NIPAL3: variants seen among roughly 807,000 people sequenced by gnomAD.
NIPAL3 encodes the protein NIPA like domain containing 3.
In NIPAL3, 41 loss-of-function variants were observed where a neutral mutation model predicts 47.2. That is an observed-to-expected ratio of 0.87 (90% CI 0.68 to 1.13). The LOEUF is 1.13. Among genes scored for constraint, NIPAL3 ranks in the 50% most tolerant of loss-of-function variants. The pLI, the probability that NIPAL3 is intolerant of heterozygous loss-of-function variation, is 0.00. For missense variants in NIPAL3, 449 were observed against 530.1 expected, an observed-to-expected ratio of 0.85 and a Z score of 1.50; for synonymous variants, 194 against 209.6, an observed-to-expected ratio of 0.93 and a Z score of 0.64.
rs1279128758 is a variant in NIPAL3 at position 24,419,639 on chromosome 1, AG to A, written c.93+1del. On this transcript the variant is annotated frameshift_variant and splice_region_variant, in exon 2 of 12. Transcript: ENST00000374399. LOFTEE classifies it high-confidence loss of function. ...SAVSEASFSY[K>X]ENLIGALLAI... ...GTAAGCGAGGCCTCCTTCTCCTACA[AG>A]GCAAGGGCTTTTTTGGGGTTTGGGA... 1.2e-6 allele frequency: 2 copies of A among 1,613,552 alleles called. No homozygotes were observed. The highest frequency in any genetic ancestry group is 1.7e-6 in the Non-Finnish European group (2 of 1,179,626).
At chr1:24,466,321 TAAATA>T (rs1646698126) in intron 11 of NIPAL3, 2 of 364,142 alleles carry the variant, frequency 5.5e-6, no homozygotes, top group South Asian at 1.0e-4. Flanking sequence ...AATAAATAAA[TAAATA>T]AAAGAACACA....
rs1265841432 is a variant in NIPAL3 at position 24,449,212 on chromosome 1, A to T, written c.395-269A>T. Among the ~76,000 whole-genome samples the T allele has an allele frequency of 1.3e-5, 2 of 152,242 alleles. No homozygotes were observed. The highest frequency in any genetic ancestry group is 2.9e-5 in the Non-Finnish European group (2 of 68,038). ...CTTTCTCCATCTGGGAGCTGGTTTCATGAGTGTGTTCACTTTGGGAGAATT... is the reference window on the plus strand; with the variant it reads ...CTTTCTCCATCTGGGAGCTGGTTTCTTGAGTGTGTTCACTTTGGGAGAATT... On this transcript the variant is annotated intron_variant, in intron 5 of 11. Coordinates refer to ENST00000374399, the MANE Select transcript of NIPAL3 (RefSeq NM_020448.5). The surrounding 1 kb of genome is among the most constrained non-coding windows in gnomAD (Gnocchi z 4.5).
rs144647080 is a variant in NIPAL3 at position 24,449,599 on chromosome 1, C to G, written c.513C>G (p.Leu171=). 1 of 1,613,876 alleles carries G rather than the reference C, an allele frequency of 6.2e-7. No individual in the cohort carries two copies. The highest frequency in any genetic ancestry group is 8.5e-7 in the Non-Finnish European group (1 of 1,179,998). ...CAGGCGAGAATGTCACCAGGCACCT[C>G]GTGAGCTGGCCTTTCCTTTTGTACA... ...KMTGENVTRH[L]VSWPFLLYML... is the part of the protein sequence containing the mutation. Residue 171 remains leucine, a synonymous_variant, in exon 6 of 12, where the codon CTC becomes CTG. Transcript: ENST00000374399. This position sits in a 1 kb window ranked among gnomAD's most constrained non-coding sequence, Gnocchi z 4.5.
intron 11 of NIPAL3, 83 bp downstream of exon 11, chr1:24,464,203 C>G (rs562777970): frequency 1.0e-6 from 1 of 996,596 alleles, no homozygotes; most frequent in Non-Finnish European, 1.5e-6. Context: ...CAACCAACTG[C>G]TGTGCTGTGC....
Position 24,425,202 on chromosome 1 carries a change from G to C in NIPAL3, c.93+5562G>C, listed in dbSNP as rs529848457. 3.3e-5 allele frequency among the ~76,000 whole-genome samples: 5 copies of C among 152,336 alleles called. No homozygotes were observed. In the East Asian group the frequency reaches 9.7e-4, roughly 29 times the overall value. Reference sequence around the variant, plus strand: ...GCACCTACTCTCTCCAGCTTGTGCTGGGTGGGGCGGGAGCTATATAGATCA... The same window carrying C: ...GCACCTACTCTCTCCAGCTTGTGCTCGGTGGGGCGGGAGCTATATAGATCA... On this transcript the variant is annotated intron_variant, in intron 2 of 11. Coordinates refer to ENST00000374399, the MANE Select transcript of NIPAL3 (RefSeq NM_020448.5).
intron 2 of NIPAL3, among the ~76,000 whole-genome samples, chr1:24,426,252 T>G (rs145917849): frequency 7.8e-4 from 118 of 151,986 alleles, no homozygotes; most frequent in African/African-American, 2.8e-3. Flanking sequence ...GCCTTATGCC[T>G]GTGTATGTTA....
chr1:24,419,474 A>C lies in NIPAL3; in HGVS notation c.-74A>C. On this transcript the variant is annotated 5_prime_UTR_variant, in exon 2 of 12. Transcript: ENST00000374399. ...GGTGAACACCACAAGGAGAGATGGC[A>C]TCTGGCCTGGGCCCCGCCTAGCAGC... is the stretch of plus-strand genomic sequence containing the variant. 1 of 1,466,000 alleles carries C rather than the reference A, an allele frequency of 6.8e-7. No individual in the cohort carries two copies. Among genetic ancestry groups the C allele is most frequent in the South Asian group, 1.4e-5 (1 of 72,292 alleles). 90.8% of individuals were successfully genotyped at this position (1,466,000 alleles called of 1,614,324 possible).
rs1275216796 is a variant in NIPAL3 at position 24,454,117 on chromosome 1, C to A, written c.637+613C>A. 8.6e-7 allele frequency: 1 copy of A among 1,162,254 alleles called. No homozygotes were observed. Among genetic ancestry groups the A allele is most frequent in the Non-Finnish European group, 1.1e-6 (1 of 882,734 alleles). 72.0% of individuals were successfully genotyped at this position (1,162,254 alleles called of 1,614,324 possible). A position where few individuals can be genotyped will look rare whatever the true frequency, so the allele number is the denominator to read the frequency against. On this transcript the variant is annotated intron_variant, in intron 7 of 11. Transcript: ENST00000374399. This position sits in a 1 kb window ranked among gnomAD's most constrained non-coding sequence, Gnocchi z 4.1. Reference sequence around the variant, plus strand: ...TCTTAGCTCTCTGCAGCCTTGACCTCCTGGCCTCAAGTGATCCCCCTGCCT... The same window carrying A: ...TCTTAGCTCTCTGCAGCCTTGACCTACTGGCCTCAAGTGATCCCCCTGCCT...
At chr1:24,444,801 G>A (rs899436353) in intron 4 of NIPAL3, among the ~76,000 whole-genome samples, 3 of 152,164 alleles carry the variant, frequency 2.0e-5, no homozygotes, top group Non-Finnish European at 4.4e-5. Flanking sequence ...CTGGGTTCAA[G>A]TCTTGCCTTC....
intron 2 of NIPAL3, among the ~76,000 whole-genome samples, chr1:24,435,141 A>T (rs950436895): frequency 9.9e-5 from 15 of 152,250 alleles, no homozygotes; most frequent in African/African-American, 3.4e-4. Context: ...AGATGCTAAG[A>T]CCATTCAATG....
intron 2 of NIPAL3, 51 bp from the exon 3 acceptor site, chr1:24,440,121 C>A: frequency 7.2e-7 from 1 of 1,392,960 alleles, no homozygotes; most frequent in Non-Finnish European, 9.6e-7. Context: ...TGTCCTGGGG[C>A]CCCCTGGCTT....
chr1:24,457,325 C>T (rs974489320), intron 8 of NIPAL3, among the ~76,000 whole-genome samples: 2 of 152,182 alleles, frequency 1.3e-5, no homozygotes, highest in Non-Finnish European at 2.9e-5. Context: ...GTCTTGTTTG[C>T]GTTTGAGTCC....
chr1:24,433,121 T>G (rs1644950554), intron 2 of NIPAL3: 1 of 152,198 alleles, frequency 6.6e-6, no homozygotes, highest in African/African-American at 2.4e-5. Context: ...GAGGAGTAAG[T>G]ACCGTTAATA....
At chr1:24,456,009 C>G in intron 7 of NIPAL3, 129 bp from the exon 8 acceptor site, 1 of 1,109,764 alleles carries the variant, frequency 9.0e-7, no homozygotes, top group South Asian at 1.5e-5. Context: ...TGCAAACTGC[C>G]GGCTTGACTC....
chr1:24,429,638 A>G (rs900351586), intron 2 of NIPAL3, among the ~76,000 whole-genome samples: 1 of 152,202 alleles, frequency 6.6e-6, no homozygotes, highest in Non-Finnish European at 1.5e-5. Flanking sequence ...TTATAGGTTG[A>G]ATGCAGAAGC....
At position 24,454,027 on chromosome 1, in the gene NIPAL3, T is replaced by C. The variant is rs1234625754; in HGVS notation, c.637+523T>C. 8.6e-6 allele frequency: 4 copies of C among 464,558 alleles called. No homozygotes were observed. The highest frequency in any genetic ancestry group is 1.5e-5 in the Non-Finnish European group (4 of 263,668). The allele number at this position is 464,558 out of a possible 1,614,324, so 28.8% of individuals were successfully genotyped here. Reference sequence around the variant, plus strand: ...TTGAGGCTAGAACTGCATATTAATTTTTCCTTTTTTTTTTTTTTTGAGACA... The same window carrying C: ...TTGAGGCTAGAACTGCATATTAATTCTTCCTTTTTTTTTTTTTTTGAGACA... On this transcript the variant is annotated intron_variant, in intron 7 of 11. Transcript: ENST00000374399. This position sits in a 1 kb window ranked among gnomAD's most constrained non-coding sequence, Gnocchi z 4.1.
At chr1:24,441,948 A>G in intron 3 of NIPAL3, 107 bp from the exon 4 acceptor site, 2 of 1,158,252 alleles carry the variant, frequency 1.7e-6, no homozygotes, top group Non-Finnish European at 2.5e-6. Context: ...GAACCTGACA[A>G]GTCTTCCCAA....
chr1:24,454,452 C>T lies in NIPAL3; in HGVS notation c.637+948C>T. ...GATGTGCACAGGTGGCTAATATGTG[C>T]ATTTTTCTTCCAACCTTCCTACTGT... On this transcript the variant is annotated intron_variant, in intron 7 of 11. Transcript: ENST00000374399. This position sits in a 1 kb window ranked among gnomAD's most constrained non-coding sequence, Gnocchi z 4.1. The T allele has an allele frequency of 1.0e-6, 1 of 996,328 alleles. No homozygotes were observed. Among genetic ancestry groups the T allele is most frequent in the Non-Finnish European group, 1.2e-6 (1 of 836,322 alleles). The allele number at this position is 996,328 out of a possible 1,614,324, so 61.7% of individuals were successfully genotyped here.
At chr1:24,439,909 AG>A (rs1242613764) in intron 2 of NIPAL3, among the ~76,000 whole-genome samples, 1 of 152,266 alleles carries the variant, frequency 6.6e-6, no homozygotes, top group Non-Finnish European at 1.5e-5. Flanking sequence ...TAAAGGGAAT[AG>A]CACAGCAGGT....
Sources: gnomAD v4.1 joint callset for allele counts (sites outside exome capture counted in the v4.1 genomes callset) on GRCh38, gnomAD v4.1.1 for gene constraint, Gnocchi (gnomAD v3.1) non-coding constraint, MANE v1.5 for transcripts, NCBI Gene and HGNC (gene_info 2026-07-23, HGNC 2026-07-21) for gene names.